Variants in PM20D2 observed in about 807,000 individuals in gnomAD.
PM20D2 encodes the protein peptidase M20 domain containing 2.
A neutral mutation model predicts 42.9 loss-of-function variants in PM20D2; 33 were observed. That is an observed-to-expected ratio of 0.77 (90% CI 0.58 to 1.03). The LOEUF (loss-of-function observed/expected upper bound fraction) is 1.03, where lower values mean the gene tolerates loss of function less well. Ranked by LOEUF, PM20D2 falls within the 50% of genes least tolerant of loss-of-function variation. The pLI is 0.00. For missense variants in PM20D2, 548 were observed against 557.0 expected (o/e 0.98, Z 0.16); for synonymous variants, 250 against 228.2 (o/e 1.10, Z -0.86).
chr6:89,143,023 T>C (rs891145462), upstream of PM20D2, among the ~76,000 whole-genome samples: 1 of 152,232 alleles, frequency 6.6e-6, no homozygotes, highest in Admixed American at 6.5e-5. Context: ...TCTCTGGTAC[T>C]TCTATTTACT....
chr6:89,159,050 A>C (rs2127781347), intron 5 of PM20D2, among the ~76,000 whole-genome samples: 1 of 152,270 alleles, frequency 6.6e-6, no homozygotes, highest in Non-Finnish European at 1.5e-5. Context: ...CAAGAGAAAG[A>C]GCAGGTTAGG....
chr6:89,119,235 G>C, the PM20D2 span, among the ~76,000 whole-genome samples: 1 of 152,216 alleles, frequency 6.6e-6, no homozygotes, highest in Admixed American at 6.5e-5. Context: ...ATTTGGTAGG[G>C]AGGCAGAATC....
At chr6:89,128,739 G>A in the PM20D2 span, among the ~76,000 whole-genome samples, 1 of 152,174 alleles carries the variant, frequency 6.6e-6, no homozygotes, top group Non-Finnish European at 1.5e-5. Flanking sequence ...CACCCCCGGT[G>A]GCCCAGCTGT....
At position 89,146,385 on chromosome 6, in the gene PM20D2, T is replaced by C. The variant is rs1214932888; in HGVS notation, c.241T>C (p.Tyr81His). ...GGCCTCCTGGGCAGTGCAGCCGCAC[T>C]ACCAGCTGCCCACGGCCTTCCGCGC... ...PAASWAVQPH[Y>H]QLPTAFRAEW... is the part of the protein sequence containing the mutation. The change falls in exon 1 of 7, where the codon TAC becomes CAC. Residue 81 changes from tyrosine (Y) to histidine (H), a missense_variant. Tyr to His is a moderately conservative substitution (Grantham distance 83). Around this residue, in one of 3 missense-constraint regions of PM20D2, gnomAD observed 470 missense variants for 464.4 expected, o/e 1.01. Coordinates refer to ENST00000275072, the MANE Select transcript of PM20D2 (RefSeq NM_001010853.3). The C allele has an allele frequency of 1.7e-5, 26 of 1,534,602 alleles. No homozygotes were observed. The highest frequency in any genetic ancestry group is 5.9e-5 in the Admixed American group (3 of 50,866).
chr6:89,153,253 A>C, intron 3 of PM20D2, 68 bp downstream of exon 3: 1 of 1,225,072 alleles, frequency 8.2e-7, no homozygotes, highest in Non-Finnish European at 1.1e-6. Flanking sequence ...TAATTATTTA[A>C]TATTCAATTT....
At chr6:89,122,969 A>G in the PM20D2 span, among the ~76,000 whole-genome samples, 1 of 152,354 alleles carries the variant, frequency 6.6e-6, no homozygotes, top group East Asian at 1.9e-4. Context: ...CTATGATTGT[A>G]TCCTTTTATG....
the PM20D2 span, among the ~76,000 whole-genome samples, chr6:89,102,796 G>GTGGTGCAATCTCT: frequency 6.6e-6 from 1 of 152,102 alleles, no homozygotes; most frequent in Non-Finnish European, 1.5e-5. Context: ...CTGTTGCCCA[G>GTGGTGCAATCTCT]GTTGGAGTGC....
the PM20D2 span, chr6:89,107,022 G>A: frequency 2.1e-5 from 20 of 961,632 alleles, no homozygotes; most frequent in Middle Eastern, 2.1e-4. Flanking sequence ...GACTGCTTTA[G>A]ATCTTCTGAG....
At chr6:89,134,989 T>C in the PM20D2 span, among the ~76,000 whole-genome samples, 109,443 of 150,630 alleles carry the variant, frequency 0.73, 40,456 homozygotes, top group East Asian at 0.8. Context: ...GTGGCTCCCC[T>C]AGGCCTGGGC....
intron 1 of PM20D2, chr6:89,148,547 G>T (rs930852727): frequency 1.0e-6 from 1 of 983,900 alleles, no homozygotes; most frequent in South Asian, 4.7e-5. Context: ...CAATAAATCT[G>T]CCTGGTTGAA....
the PM20D2 span, among the ~76,000 whole-genome samples, chr6:89,123,755 G>T: frequency 6.6e-6 from 1 of 150,806 alleles, no homozygotes; most frequent in Admixed American, 6.6e-5. Context: ...TAGACAGAAG[G>T]AGAGCCAGGC....
the PM20D2 span, chr6:89,097,380 G>T: frequency 2.0e-5 from 3 of 152,060 alleles, 1 homozygote; most frequent in Admixed American, 1.3e-4. Flanking sequence ...CATTTTCAAA[G>T]AAATTATTAG....
At chr6:89,100,708 C>G in the PM20D2 span, among the ~76,000 whole-genome samples, 9,579 of 152,050 alleles carry the variant, frequency 0.063, 875 homozygotes, top group African/African-American at 0.2. Context: ...TGGAAAACTA[C>G]AATCTATAAA....
chr6:89,144,601 A>ACATTAACCT (rs1770457067), upstream of PM20D2, among the ~76,000 whole-genome samples: 1 of 152,188 alleles, frequency 6.6e-6, no homozygotes, highest in Non-Finnish European at 1.5e-5. Context: ...CACATTAACC[A>ACATTAACCT]CCTCATAGTT....
the PM20D2 span, among the ~76,000 whole-genome samples, chr6:89,103,065 T>C: frequency 6.6e-5 from 10 of 151,910 alleles, no homozygotes; most frequent in Middle Eastern, 3.4e-3. Context: ...CACCTGGCCA[T>C]AAGACAGTTT....
In PM20D2 at chr6:89,146,564, G is replaced by A; in HGVS notation, c.420G>A (p.Val140=). The change falls in exon 1 of 7, where the codon GTG becomes GTA. Residue 140 remains valine, a synonymous_variant. Transcript: ENST00000275072. ...AEVGAAAALG[V]RGALEGLPRP... is the part of the protein sequence containing the mutation. ...TCGGGGCGGCGGCCGCGCTGGGCGT[G>A]AGGGGGGCCTTAGAGGGCCTCCCCA... 6.7e-7 allele frequency: 1 copy of A among 1,492,990 alleles called. No individual in the cohort carries two copies. The highest frequency in any genetic ancestry group is 8.9e-7 in the Non-Finnish European group (1 of 1,128,664). The allele number at this position is 1,492,990 out of a possible 1,614,324, so 92.5% of individuals were successfully genotyped here. A position where few individuals can be genotyped will look rare whatever the true frequency, so the allele number is the denominator to read the frequency against.
the PM20D2 span, among the ~76,000 whole-genome samples, chr6:89,139,699 C>G: frequency 2.0e-5 from 3 of 152,186 alleles, no homozygotes; most frequent in African/African-American, 7.2e-5. Context: ...CAGAGCAAGA[C>G]CCTGTCTCAA....
chr6:89,152,985 A>G, intron 2 of PM20D2, 58 bp from the exon 3 acceptor site: 3 of 1,426,818 alleles, frequency 2.1e-6, no homozygotes, highest in South Asian at 2.7e-5. Context: ...GACTACCTGG[A>G]TTTTCTTACT....
At chr6:89,104,809 T>A in the PM20D2 span, among the ~76,000 whole-genome samples, 3 of 152,084 alleles carry the variant, frequency 2.0e-5, no homozygotes, top group Non-Finnish European at 4.4e-5. Context: ...TCCTAGCACT[T>A]TGGGAGCCTG....
Sources: gnomAD v4.1 joint callset for allele counts (sites outside exome capture counted in the v4.1 genomes callset) on GRCh38, gnomAD v4.1.1 for gene constraint, gnomAD v4.1.1 regional missense constraint, MANE v1.5 for transcripts, NCBI Gene and HGNC (gene_info 2026-07-23, HGNC 2026-07-21) for gene names.